The following TANGO6 variants were observed in gnomAD, a reference collection of about 807,000 sequenced individuals.
TANGO6 encodes transport and Golgi organization protein 6 homolog.
A neutral mutation model predicts 114.2 loss-of-function variants in TANGO6; 90 were observed. That is an observed-to-expected ratio of 0.79 (90% CI 0.66 to 0.94). The LOEUF is 0.94. Ranked by LOEUF, TANGO6 falls within the 40% of genes least tolerant of loss-of-function variation. TANGO6 has a pLI of 0.00. For missense variants in TANGO6, 1,274 were observed against 1,315.3 expected (o/e 0.97, Z 0.49); for synonymous variants, 477 against 509.8 (o/e 0.94, Z 0.87).
chr16:68,892,099 T>G (rs1373655652), intron 7 of TANGO6, among the ~76,000 whole-genome samples: 1 of 152,224 alleles, frequency 6.6e-6, no homozygotes, highest in African/African-American at 2.4e-5. Context: ...TTATCAGGTA[T>G]TTACTGAAAG....
intron 4 of TANGO6, among the ~76,000 whole-genome samples, chr16:68,872,301 T>C (rs942988786): frequency 6.6e-6 from 1 of 150,864 alleles, no homozygotes; most frequent in African/African-American, 2.5e-5. Flanking sequence ...TTCTACTGAT[T>C]TTTTTTTCTT....
intron 14 of TANGO6, among the ~76,000 whole-genome samples, chr16:68,961,876 A>T (rs761349142): frequency 6.6e-6 from 1 of 152,184 alleles, no homozygotes; most frequent in African/African-American, 2.4e-5. Context: ...TTGCAGCTCT[A>T]AGTCACAAAG....
chr16:69,049,779 T>A (rs1237214141), intron 17 of TANGO6, among the ~76,000 whole-genome samples: 2 of 151,920 alleles, frequency 1.3e-5, no homozygotes, highest in African/African-American at 4.8e-5. Flanking sequence ...TCTCACTATG[T>A]TGCCCAGGCT....
In TANGO6 at chr16:68,903,960, A is replaced by C. The variant is rs554598029; in HGVS notation, c.1667+1456A>C. The stretch of plus-strand genomic sequence containing the variant: ...GAAGTTTATTTAAAGAAACTCTATA[A>C]GAGCAGCTTGGATTTTATATCTTTA... On this transcript the variant is annotated intron_variant, in intron 9 of 17. Transcript: ENST00000261778. 3.3e-5 allele frequency among the ~76,000 whole-genome samples: 5 copies of C among 152,262 alleles called. No individual in the cohort carries two copies. The South Asian group carries it at 1.0e-3, about 32-fold the overall frequency.
At chr16:68,958,229 G>A (rs571372844) in intron 14 of TANGO6, among the ~76,000 whole-genome samples, 32 of 150,858 alleles carry the variant, frequency 2.1e-4, no homozygotes, top group African/African-American at 6.6e-4. Context: ...GCAGTCACTC[G>A]CGCCTGTAAT....
chr16:69,060,916 C>A (rs536346334), intron 17 of TANGO6, among the ~76,000 whole-genome samples: 1 of 151,626 alleles, frequency 6.6e-6, no homozygotes, highest in Non-Finnish European at 1.5e-5. Context: ...CACTTGAACC[C>A]GGGAGGCAGA....
At chr16:69,080,101 A>T (rs145320524) in intron 17 of TANGO6, among the ~76,000 whole-genome samples, 2 of 152,358 alleles carry the variant, frequency 1.3e-5, no homozygotes, top group African/African-American at 4.8e-5. Context: ...AAAAGATAAA[A>T]AGAATTTAAA....
At position 68,843,531 on chromosome 16, in the gene TANGO6, A is replaced by G; in HGVS notation, c.-87A>G. 1 of 1,330,212 alleles carries G rather than the reference A, an allele frequency of 7.5e-7. No homozygotes were observed. The highest frequency in any genetic ancestry group is 1.1e-6 in the Non-Finnish European group (1 of 945,346). 82.4% of individuals were successfully genotyped at this position (1,330,212 alleles called of 1,614,324 possible). On this transcript the variant is annotated 5_prime_UTR_variant, in exon 1 of 18. Coordinates refer to ENST00000261778, the MANE Select transcript of TANGO6 (RefSeq NM_024562.2). ...TTTGGCCCCGCCCCATAGTGTGCCC[A>G]GAGCCTTCTGCCACACTTAACATGG...
chr16:68,867,383 T>G (rs1176523442), intron 4 of TANGO6, 163 bp downstream of exon 4: 1 of 794,156 alleles, frequency 1.3e-6, no homozygotes, highest in East Asian at 2.6e-5. Context: ...TTAATGAGCT[T>G]CTTTTCCAAA....
intron 12 of TANGO6, among the ~76,000 whole-genome samples, chr16:68,925,137 C>G (rs1567541208): frequency 6.6e-6 from 1 of 152,012 alleles, no homozygotes; most frequent in Non-Finnish European, 1.5e-5. Flanking sequence ...ATGGCAAAAC[C>G]CTGACTCTAC....
rs1251713951 is a variant in TANGO6 at position 68,900,536 on chromosome 16, T to G, written c.1480T>G (p.Ser494Ala). The G allele has an allele frequency of 6.2e-7, 1 of 1,612,656 alleles. No individual in the cohort carries two copies. Among genetic ancestry groups the G allele is most frequent in the East Asian group, 2.2e-5 (1 of 44,882 alleles). Residue 494 changes from serine to alanine, a missense_variant, in exon 8 of 18, where the codon TCT becomes GCT. This residue lies in a region of TANGO6 where 908 missense variants were observed against 910.2 expected (regional missense o/e 1.00). Transcript: ENST00000261778. ...CTACTGTTTTACTAAGCAGAGTGTG[T>G]CTCACATAAGGTAAACAATCAAGGG... ...LLYCFTKQSVSHIRSLCQEIL... is the reference protein window; with the variant it reads ...LLYCFTKQSVAHIRSLCQEIL...
At chr16:68,854,279 C>A (rs1428422629) in intron 1 of TANGO6, among the ~76,000 whole-genome samples, 1 of 151,880 alleles carries the variant, frequency 6.6e-6, no homozygotes, top group African/African-American at 2.4e-5. Context: ...CATAGTGAGA[C>A]CTCATCTCTA....
At chr16:69,066,479 T>C (rs747849499) in intron 17 of TANGO6, among the ~76,000 whole-genome samples, 2 of 151,886 alleles carry the variant, frequency 1.3e-5, no homozygotes, top group Non-Finnish European at 2.9e-5. Flanking sequence ...GTATTTTTAG[T>C]AGAGACAGGG....
intron 14 of TANGO6, among the ~76,000 whole-genome samples, chr16:68,952,543 CAT>C (rs1963480758): frequency 6.6e-6 from 1 of 152,170 alleles, no homozygotes; most frequent in African/African-American, 2.4e-5. Context: ...TTAACACTGA[CAT>C]AGTTCCTTTT....
At chr16:69,005,282 C>T (rs982195619) in intron 15 of TANGO6, among the ~76,000 whole-genome samples, 1 of 152,156 alleles carries the variant, frequency 6.6e-6, no homozygotes, top group African/African-American at 2.4e-5. Context: ...ACAGTAAGAG[C>T]AGAAAAGTAA....
chr16:69,032,610 G>C (rs1432053120), intron 16 of TANGO6, among the ~76,000 whole-genome samples: 3 of 152,130 alleles, frequency 2.0e-5, no homozygotes, highest in African/African-American at 7.2e-5. Context: ...CGGGCATGGT[G>C]GCTCACACCT....
intron 17 of TANGO6, among the ~76,000 whole-genome samples, chr16:69,082,009 C>G (rs1240926833): frequency 6.6e-6 from 1 of 151,644 alleles, no homozygotes; most frequent in Non-Finnish European, 1.5e-5. Context: ...GAGTCTAGCT[C>G]TGTCACCCAG....
intron 8 of TANGO6, 81 bp from the exon 9 acceptor site, chr16:68,902,247 C>G (rs1962794787): frequency 7.2e-7 from 1 of 1,381,118 alleles, no homozygotes; most frequent in Non-Finnish European, 9.8e-7. Context: ...AACCTGACAG[C>G]CTTTCTTTCT....
rs939435377 is a variant in TANGO6, at chr16:69,045,279, C to T, written c.3108+4858C>T. On this transcript the variant is annotated intron_variant, in intron 17 of 17. Transcript: ENST00000261778. The stretch of plus-strand genomic sequence containing the variant: ...ACCATCCTGGCTAACATGGTGAAAC[C>T]CCGTCTCTACTAAAATTAGCCGGGT... Among the ~76,000 whole-genome samples the T allele has an allele frequency of 2.7e-5, 4 of 150,020 alleles. No individual in the cohort carries two copies. In the Admixed American group the frequency reaches 2.7e-4, roughly 10 times the overall value.
Sources: gnomAD v4.1 joint callset for allele counts (sites outside exome capture counted in the v4.1 genomes callset) on GRCh38, gnomAD v4.1.1 for gene constraint, gnomAD v4.1.1 regional missense constraint, MANE v1.5 for transcripts, NCBI Gene and HGNC (gene_info 2026-07-23, HGNC 2026-07-21) for gene names.